The following TMTC1 variants were observed in gnomAD, a reference collection of about 807,000 sequenced individuals.
TMTC1 encodes the protein protein O-mannosyl-transferase TMTC1.
A neutral mutation model predicts 104.8 loss-of-function variants in TMTC1; 73 were observed. The ratio of observed to expected loss-of-function variants is 0.70; its 90% CI spans 0.58 to 0.85. TMTC1 has a LOEUF of 0.85. Among genes scored for constraint, TMTC1 ranks in the 40% least tolerant of loss-of-function variants. The pLI is 0.00. For synonymous variants in TMTC1, 434 were observed against 428.7 expected (o/e 1.01, Z -0.15); for missense variants, 1,035 against 1,096.1 (o/e 0.94, Z 0.79).
intron 9 of TMTC1, chr12:29,568,867 A>G: frequency 2.2e-6 from 1 of 455,498 alleles, no homozygotes; most frequent in Non-Finnish European, 4.4e-6. Flanking sequence ...CACACAAGGT[A>G]GAATGTTAGA....
At chr12:29,624,350 A>C (rs1269400453) in intron 6 of TMTC1, among the ~76,000 whole-genome samples, 3 of 152,294 alleles carry the variant, frequency 2.0e-5, no homozygotes, top group African/African-American at 7.2e-5. Flanking sequence ...AAACTAAACA[A>C]AACAGAGCCA....
chr12:29,687,485 T>C (rs1396808108), intron 5 of TMTC1, among the ~76,000 whole-genome samples: 1 of 152,230 alleles, frequency 6.6e-6, no homozygotes, highest in African/African-American at 2.4e-5. Context: ...CTAAGAGACA[T>C]GATCAGTGAA....
chr12:29,659,962 G>A (rs911036824), intron 5 of TMTC1: 11 of 1,535,646 alleles, frequency 7.2e-6, no homozygotes, highest in East Asian at 2.4e-5. Flanking sequence ...ATCCACAGAC[G>A]GAAGTACAAA....
At chr12:29,619,656 A>G (rs918193678) in intron 6 of TMTC1, among the ~76,000 whole-genome samples, 2 of 152,230 alleles carry the variant, frequency 1.3e-5, no homozygotes, top group Admixed American at 6.5e-5. Context: ...ATTTTCAAAT[A>G]CCACTAAAGC....
At position 29,767,821 on chromosome 12, in the gene TMTC1, T is replaced by C. The variant is rs1381244327; in HGVS notation, c.480+77A>G. On this transcript the variant is annotated intron_variant, in intron 2 of 17. Coordinates refer to ENST00000539277, the MANE Select transcript of TMTC1 (RefSeq NM_001193451.2). ...ACACACATATTTACATGTATATATA[T>C]GTGTGTGTATACACGTATACACGTA... 3 of 1,313,262 alleles carry C rather than the reference T, an allele frequency of 2.3e-6. No individual in the cohort carries two copies. The East Asian group carries it at 7.2e-5, about 31-fold the overall frequency. The allele number at this position is 1,313,262 out of a possible 1,614,324, so 81.4% of individuals were successfully genotyped here.
intron 5 of TMTC1, among the ~76,000 whole-genome samples, chr12:29,676,943 T>C (rs573048830): frequency 1.3e-5 from 2 of 152,226 alleles, no homozygotes; most frequent in African/African-American, 2.4e-5. Flanking sequence ...TCCTATAATA[T>C]GATTTGAGGG....
At chr12:29,599,501 A>G (rs1434339963) in intron 7 of TMTC1, among the ~76,000 whole-genome samples, 1 of 152,196 alleles carries the variant, frequency 6.6e-6, no homozygotes, top group Non-Finnish European at 1.5e-5. Flanking sequence ...AGATGCAGGA[A>G]CAGAAGCCAC....
intron 2 of TMTC1, among the ~76,000 whole-genome samples, chr12:29,763,728 A>G (rs1943403323): frequency 1.3e-5 from 2 of 152,212 alleles, no homozygotes; most frequent in Non-Finnish European, 2.9e-5. Context: ...AAACATAGAC[A>G]AGGAGGATTT....
intron 5 of TMTC1, among the ~76,000 whole-genome samples, chr12:29,713,638 T>C (rs1289101155): frequency 6.6e-6 from 1 of 152,160 alleles, no homozygotes. Flanking sequence ...AAACTCACAA[T>C]GAAGTCACAA....
intron 10 of TMTC1, among the ~76,000 whole-genome samples, chr12:29,555,530 T>G (rs1196841257): frequency 6.6e-6 from 1 of 152,002 alleles, no homozygotes; most frequent in Non-Finnish European, 1.5e-5. Context: ...TGTGTCCATG[T>G]GTTCTCATTG....
chr12:29,539,845 C>T (rs1944747432), intron 10 of TMTC1, among the ~76,000 whole-genome samples: 1 of 152,140 alleles, frequency 6.6e-6, no homozygotes, highest in Non-Finnish European at 1.5e-5. Flanking sequence ...TTGCCCTGCT[C>T]CTAAGCAAAA....
rs768396695 is a variant in TMTC1 at position 29,520,734 on chromosome 12, G to C, written c.1786-14C>G. On this transcript the variant is annotated splice_polypyrimidine_tract_variant and intron_variant, in intron 11 of 17. Coordinates refer to ENST00000539277, the MANE Select transcript of TMTC1 (RefSeq NM_001193451.2). Reference sequence around the variant, plus strand: ...TTTAAACCGCTCCTTTAAAAAGAAAGAAACAAACAAAATAAGTGAGAAAGC... The same window carrying C: ...TTTAAACCGCTCCTTTAAAAAGAAACAAACAAACAAAATAAGTGAGAAAGC... 3.8e-6 allele frequency: 6 copies of C among 1,587,444 alleles called. No homozygotes were observed. Among genetic ancestry groups the C allele is most frequent in the African/African-American group, 2.7e-5 (2 of 73,420 alleles).
intron 17 of TMTC1, among the ~76,000 whole-genome samples, chr12:29,509,728 C>A (rs1943781791): frequency 6.6e-6 from 1 of 152,124 alleles, no homozygotes; most frequent in Non-Finnish European, 1.5e-5. Flanking sequence ...TATTGGTCAG[C>A]CTAGTACATG....
intron 1 of TMTC1, among the ~76,000 whole-genome samples, chr12:29,772,134 A>G (rs1943608090): frequency 6.6e-6 from 1 of 152,206 alleles, no homozygotes; most frequent in Non-Finnish European, 1.5e-5. Flanking sequence ...TTTTACTTTC[A>G]TACTTCTTTT....
At chr12:29,736,707 C>T (rs920975317) in intron 5 of TMTC1, among the ~76,000 whole-genome samples, 1 of 152,202 alleles carries the variant, frequency 6.6e-6, no homozygotes, top group Non-Finnish European at 1.5e-5. Context: ...CGTAAGCCAC[C>T]AGGCCCGGCC....
chr12:29,641,375 G>A (rs1190904053), intron 5 of TMTC1: 1 of 152,314 alleles, frequency 6.6e-6, no homozygotes, highest in Admixed American at 6.5e-5. Context: ...ACAGACACTA[G>A]TATCCATGGC....
At chr12:29,529,805 C>T (rs1219518697) in intron 11 of TMTC1, 2 of 152,146 alleles carry the variant, frequency 1.3e-5, no homozygotes, top group African/African-American at 4.8e-5. Flanking sequence ...ATTAATCTGG[C>T]ATTCTTCCCC....
At chr12:29,556,763 A>G in intron 10 of TMTC1, 94 bp downstream of exon 10, 1 of 1,508,058 alleles carries the variant, frequency 6.6e-7, no homozygotes, top group Non-Finnish European at 9.0e-7. Context: ...AGCTCCAGAG[A>G]GAGGCAAGTG....
At chr12:29,585,222 G>A (rs575562636) in intron 7 of TMTC1, among the ~76,000 whole-genome samples, 2,288 of 152,042 alleles carry the variant, frequency 0.015, 43 homozygotes, top group African/African-American at 0.052. Context: ...GTGTTTTTTG[G>A]CTGCATAAAT....
Sources: gnomAD v4.1 joint callset for allele counts (sites outside exome capture counted in the v4.1 genomes callset) on GRCh38, gnomAD v4.1.1 for gene constraint, MANE v1.5 for transcripts, NCBI Gene and HGNC (gene_info 2026-07-23, HGNC 2026-07-21) for gene names.